Variants in MAGI1 observed in about 807,000 individuals in gnomAD.
The protein encoded by MAGI1 is membrane-associated guanylate kinase, WW and PDZ domain-containing protein 1.
MAGI1 carries 58 observed loss-of-function variants against 139.9 expected under a neutral mutation model. That is an observed-to-expected ratio of 0.41 (90% confidence interval 0.34 to 0.52). The LOEUF is 0.52. Among genes scored for constraint, MAGI1 ranks in the 20% least tolerant of loss-of-function variants. The pLI is 0.12. For synonymous variants in MAGI1, 812 were observed against 737.9 expected (o/e 1.10, Z -1.63); for missense variants, 1,874 against 1,901.6 (o/e 0.99, Z 0.27).
intron 1 of MAGI1, among the ~76,000 whole-genome samples, chr3:65,810,198 T>C (rs1228465581): frequency 2.0e-5 from 3 of 152,244 alleles, no homozygotes; most frequent in East Asian, 1.9e-4. Flanking sequence ...TGCATGCTAA[T>C]GGTGGAATTT....
chr3:65,598,876 GA>G (rs2082353632), intron 2 of MAGI1, among the ~76,000 whole-genome samples: 1 of 152,176 alleles, frequency 6.6e-6, no homozygotes, highest in African/African-American at 2.4e-5. Flanking sequence ...AAACTTTATT[GA>G]GAGACCTCTA....
intron 1 of MAGI1, among the ~76,000 whole-genome samples, chr3:66,014,681 A>G (rs1443550589): frequency 6.6e-6 from 1 of 152,236 alleles, no homozygotes; most frequent in African/African-American, 2.4e-5. Flanking sequence ...GTTCTTCTCA[A>G]TACTCTCCAA....
chr3:66,004,869 C>G (rs987313067), intron 1 of MAGI1, among the ~76,000 whole-genome samples: 1 of 152,182 alleles, frequency 6.6e-6, no homozygotes, highest in Non-Finnish European at 1.5e-5. Context: ...GCCACAGAAG[C>G]CCACCAAGGT....
chr3:65,463,352 G>A (rs1391084866), intron 5 of MAGI1, among the ~76,000 whole-genome samples: 4 of 152,154 alleles, frequency 2.6e-5, no homozygotes, highest in Admixed American at 1.3e-4. Flanking sequence ...TGAAACTGTT[G>A]AGATAATCAT....
chr3:65,572,839 C>T (rs944140622), intron 2 of MAGI1, among the ~76,000 whole-genome samples: 3 of 151,704 alleles, frequency 2.0e-5, no homozygotes, highest in African/African-American at 7.3e-5. Context: ...GCCCACTACA[C>T]TACCTTTTTT....
intron 2 of MAGI1, among the ~76,000 whole-genome samples, chr3:65,494,463 A>G (rs747630956): frequency 1.1e-4 from 16 of 152,248 alleles, no homozygotes; most frequent in African/African-American, 3.6e-4. Context: ...TGGTTTACAC[A>G]TAAGTCAAGA....
chr3:65,547,737 A>AAT (rs1455462208), intron 2 of MAGI1, among the ~76,000 whole-genome samples: 8 of 152,208 alleles, frequency 5.3e-5, no homozygotes, highest in East Asian at 1.9e-4. Context: ...ATTGAAGAGG[A>AAT]ATATATATAT....
At chr3:65,450,794 T>A (rs1485942025) in intron 6 of MAGI1, among the ~76,000 whole-genome samples, 3 of 152,200 alleles carry the variant, frequency 2.0e-5, no homozygotes, top group African/African-American at 7.2e-5. Flanking sequence ...TAATTAAGTA[T>A]GATGCTATAC....
At chr3:65,384,054 T>C (rs1258688191) in intron 14 of MAGI1, among the ~76,000 whole-genome samples, 1 of 152,230 alleles carries the variant, frequency 6.6e-6, no homozygotes, top group African/African-American at 2.4e-5. Flanking sequence ...TCGGAAGTCA[T>C]GTTAAGTCAC....
intron 1 of MAGI1, among the ~76,000 whole-genome samples, chr3:65,659,963 C>G (rs2086102637): frequency 6.6e-6 from 1 of 152,156 alleles, no homozygotes; most frequent in Non-Finnish European, 1.5e-5. Flanking sequence ...CCACCCAGAA[C>G]CATACTGACA....
chr3:65,718,606 C>A (rs969056151), intron 1 of MAGI1: 1 of 152,064 alleles, frequency 6.6e-6, no homozygotes, highest in African/African-American at 2.4e-5. Context: ...TATAAACAGC[C>A]GAAGTAGCCT....
intron 12 of MAGI1, among the ~76,000 whole-genome samples, chr3:65,406,035 C>A (rs1945314319): frequency 6.6e-6 from 1 of 151,978 alleles, no homozygotes; most frequent in African/African-American, 2.4e-5. Flanking sequence ...CTCTATACTG[C>A]TTTTTAAGAT....
At chr3:65,748,883 A>C (rs1210879869) in intron 1 of MAGI1, among the ~76,000 whole-genome samples, 2 of 152,180 alleles carry the variant, frequency 1.3e-5, no homozygotes, top group Non-Finnish European at 2.9e-5. Context: ...ACACGGACAA[A>C]AGGGCAGAAA....
At chr3:65,938,254 T>C (rs930276050) in intron 1 of MAGI1, among the ~76,000 whole-genome samples, 1 of 150,078 alleles carries the variant, frequency 6.7e-6, no homozygotes, top group Non-Finnish European at 1.5e-5. Flanking sequence ...TTTTGAAATG[T>C]GCTTTAATGT....
rs79632644 is a variant in MAGI1 at position 65,500,286 on chromosome 3, G to A, written c.431-6655C>T. Among the ~76,000 whole-genome samples the A allele has an allele frequency of 7.5e-3, 1,139 of 152,252 alleles. 13 individuals are homozygous for A. Among genetic ancestry groups the A allele is most frequent in the African/African-American group, 0.026 (1,087 of 41,542 alleles). On this transcript the variant is annotated intron_variant, in intron 2 of 22. Transcript: ENST00000402939. ...TTAAGTACCTCCAAGATTTGTACTA[G>A]AATAGTGAATATCAACCCTTCCCAC... is the stretch of plus-strand genomic sequence containing the variant.
intron 1 of MAGI1, among the ~76,000 whole-genome samples, chr3:65,674,943 C>G (rs1191101577): frequency 6.6e-6 from 1 of 152,144 alleles, no homozygotes; most frequent in African/African-American, 2.4e-5. Context: ...TCCCAATTTG[C>G]CTTTGCTCCT....
At chr3:65,643,460 A>C (rs1245296573) in intron 1 of MAGI1, among the ~76,000 whole-genome samples, 3 of 152,132 alleles carry the variant, frequency 2.0e-5, no homozygotes, top group Non-Finnish European at 4.4e-5. Context: ...TATTCCTCCC[A>C]CTAAGTACAA....
chr3:65,679,625 G>C (rs2087438037), intron 1 of MAGI1, among the ~76,000 whole-genome samples: 1 of 152,108 alleles, frequency 6.6e-6, no homozygotes, highest in Non-Finnish European at 1.5e-5. Context: ...GAGAACGGCA[G>C]TCCAGGGCAC....
At chr3:65,389,901 A>G (rs1385123980) in intron 14 of MAGI1, among the ~76,000 whole-genome samples, 1 of 152,004 alleles carries the variant, frequency 6.6e-6, no homozygotes, top group Non-Finnish European at 1.5e-5. Context: ...GCCCTGAGTG[A>G]CTCCTAACAT....
Sources: allele counts gnomAD v4.1 joint callset (sites outside exome capture counted in the v4.1 genomes callset), GRCh38; gene constraint gnomAD v4.1.1; transcripts MANE v1.5; gene names NCBI Gene and HGNC (gene_info 2026-07-23, HGNC 2026-07-21).